The following ATM variants were observed in gnomAD, a reference collection of about 807,000 sequenced individuals.
ATM encodes ATM serine/threonine kinase.
In ATM, 308 loss-of-function variants were observed where a neutral mutation model predicts 387.0. The observed-to-expected ratio is 0.80, with a 90% CI of 0.73 to 0.87. ATM has a LOEUF of 0.87. Ranked by LOEUF, ATM falls within the 40% of genes least tolerant of loss-of-function variation. ATM has a pLI of 0.00. For synonymous variants in ATM, 1,156 were observed against 1,187.3 expected, an observed-to-expected ratio of 0.97 and a Z score of 0.54; for missense variants, 3,312 against 3,560.9, an observed-to-expected ratio of 0.93 and a Z score of 1.78.
intron 61 of ATM, among the ~76,000 whole-genome samples, chr11:108,363,814 G>A (rs1170169687): frequency 1.3e-5 from 2 of 152,120 alleles, no homozygotes; most frequent in Admixed American, 6.6e-5. Flanking sequence ...CCTGACACAA[G>A]CCCTTGGTTT....
chr11:108,293,893 AAAT>A (rs1240556965), intron 31 of ATM, among the ~76,000 whole-genome samples: 235 of 102,012 alleles, frequency 2.3e-3, no homozygotes, highest in Middle Eastern at 7.1e-3. Context: ...AAAAAAAAAA[AAAT>A]ATATATATAT....
intron 26 of ATM, among the ~76,000 whole-genome samples, chr11:108,286,884 T>C (rs965446786): frequency 6.6e-6 from 1 of 152,184 alleles, no homozygotes; most frequent in Admixed American, 6.5e-5. Flanking sequence ...ATTCCTTATT[T>C]GGAAAGTTGT....
At chr11:108,265,551 A>G (rs1051921371) in intron 16 of ATM, among the ~76,000 whole-genome samples, 2 of 150,636 alleles carry the variant, frequency 1.3e-5, no homozygotes, top group Non-Finnish European at 3.0e-5. Context: ...CCTAGGCATT[A>G]CCATTCAGGA....
intron 22 of ATM, among the ~76,000 whole-genome samples, chr11:108,274,352 TG>T (rs2081807558): frequency 6.6e-6 from 1 of 152,142 alleles, no homozygotes; most frequent in Non-Finnish European, 1.5e-5. Flanking sequence ...TTTTTGTGTG[TG>T]TGTGTCTCTA....
chr11:108,227,479 C>A, intron 1 of ATM, 116 bp from the exon 2 acceptor site: 3 of 655,918 alleles, frequency 4.6e-6, no homozygotes, highest in Non-Finnish European at 7.9e-6. Flanking sequence ...ACAGTTAAAT[C>A]TAACTATAAA....
Position 108,366,712 on chromosome 11 carries a change from C to G in ATM, c.*1204C>G, listed in dbSNP as rs2091350922. ...AAATACTGATAGGAGATTTCCCAGG[C>G]CAAGGCAAACACACTTCCTCCTCAT... On this transcript the variant is annotated 3_prime_UTR_variant, in exon 63 of 63. Transcript: ENST00000675843. 4.3e-6 allele frequency: 1 copy of G among 231,208 alleles called. No homozygotes were observed. 14.3% of individuals were successfully genotyped at this position (231,208 alleles called of 1,614,324 possible). A position where few individuals can be genotyped will look rare whatever the true frequency, so the allele number is the denominator to read the frequency against.
At chr11:108,296,476 TC>T (rs1368068915) in intron 32 of ATM, among the ~76,000 whole-genome samples, 1 of 152,128 alleles carries the variant, frequency 6.6e-6, no homozygotes, top group Non-Finnish European at 1.5e-5. Flanking sequence ...GGTCTTGAAC[TC>T]CTGACCTCAA....
At chr11:108,297,480 C>T in intron 33 of ATM, 98 bp downstream of exon 33, 2 of 1,051,212 alleles carry the variant, frequency 1.9e-6, no homozygotes, top group Admixed American at 3.8e-5. Context: ...TTTTCTGTTG[C>T]CTGTAGTATT....
chr11:108,349,436 A>G (rs2088900230), intron 59 of ATM, among the ~76,000 whole-genome samples: 1 of 152,142 alleles, frequency 6.6e-6, no homozygotes, highest in South Asian at 2.1e-4. Flanking sequence ...AGGCCAAGGC[A>G]GGTGGATCAC....
rs377422031 is a variant in ATM at position 108,229,350 on chromosome 11, A to G, written c.331+27A>G. ...TAAGTGATGTTATAAATTATAAATA[A>G]ATGGCTTAACAGATTACTGTCGCGT... On this transcript the variant is annotated intron_variant, in intron 4 of 62. Transcript: ENST00000675843. 4.4e-6 allele frequency: 7 copies of G among 1,602,610 alleles called. No homozygotes were observed. The African/African-American group carries it at 5.4e-5, about 12-fold the overall frequency.
intron 49 of ATM, among the ~76,000 whole-genome samples, chr11:108,329,976 T>A (rs1371133618): frequency 6.6e-6 from 1 of 152,210 alleles, no homozygotes; most frequent in Non-Finnish European, 1.5e-5. Context: ...TAAGCAGAGG[T>A]GTAAGTTAGC....
rs1555124575 is a variant in ATM at position 108,331,955 on chromosome 11, A to G, written c.7706A>G (p.Asp2569Gly). ...IILALANANR[D>G]EFLTKPEVAR... ...CTGGCCTTAGCAAATGCAAACAGAG[A>G]TGAATTTCTGACTAAACCAGAGGTA... Residue 2569 changes from aspartate (D) to glycine (G), a missense_variant, in exon 52 of 63, where the codon GAT becomes GGT. By Grantham distance (94) the Asp-to-Gly change is moderately conservative. Transcript: ENST00000675843. 1.9e-6 allele frequency: 3 copies of G among 1,614,066 alleles called. No individual in the cohort carries two copies. In the South Asian group the frequency reaches 3.3e-5, roughly 18 times the overall value.
At chr11:108,341,163 T>TAA (rs1311028953) in intron 56 of ATM, among the ~76,000 whole-genome samples, 2 of 152,022 alleles carry the variant, frequency 1.3e-5, no homozygotes, top group Admixed American at 6.6e-5. Context: ...CATCTCCACC[T>TAA]GACTTACCTG....
At chr11:108,291,943 T>TA (rs1411880444) in intron 29 of ATM, among the ~76,000 whole-genome samples, 2 of 152,172 alleles carry the variant, frequency 1.3e-5, no homozygotes, top group Non-Finnish European at 2.9e-5. Flanking sequence ...CCCAAAGAAA[T>TA]ACGCTCCCCA....
At chr11:108,354,618 C>A (rs966011315) in intron 60 of ATM, among the ~76,000 whole-genome samples, 193 bp from the exon 61 acceptor site, 6 of 152,182 alleles carry the variant, frequency 3.9e-5, no homozygotes, top group African/African-American at 1.4e-4. Context: ...GTGAAATAGT[C>A]AAATACATAT....
At chr11:108,258,435 C>T (rs528540511) in intron 15 of ATM, among the ~76,000 whole-genome samples, 21 of 152,216 alleles carry the variant, frequency 1.4e-4, no homozygotes, top group Admixed American at 7.9e-4. Flanking sequence ...GTATGCGTAG[C>T]GGGGCTAGTG....
At chr11:108,261,408 C>G (rs1436323788) in intron 16 of ATM, among the ~76,000 whole-genome samples, 3 of 152,208 alleles carry the variant, frequency 2.0e-5, no homozygotes, top group Non-Finnish European at 2.9e-5. Context: ...TCCAACAGGC[C>G]TGCAGCTGAG....
intron 56 of ATM, 63 bp from the exon 57 acceptor site, chr11:108,343,155 CTGAA>C: frequency 6.3e-7 from 1 of 1,585,876 alleles, no homozygotes; most frequent in Non-Finnish European, 8.7e-7. Flanking sequence ...ACTCTGATAG[CTGAA>C]TGATCATCAA....
intron 36 of ATM, among the ~76,000 whole-genome samples, chr11:108,304,155 A>G (rs1053708283): frequency 2.0e-5 from 3 of 152,216 alleles, no homozygotes; most frequent in African/African-American, 7.2e-5. Flanking sequence ...ACCACAAATA[A>G]TTACCCAAAT....
Sources: gnomAD v4.1 joint callset for allele counts (sites outside exome capture counted in the v4.1 genomes callset) on GRCh38, gnomAD v4.1.1 for gene constraint, MANE v1.5 for transcripts, NCBI Gene and HGNC (gene_info 2026-07-23, HGNC 2026-07-21) for gene names.